CATSPERB: variants seen among roughly 807,000 people sequenced by gnomAD.
CATSPERB encodes the protein cation channel sperm-associated auxiliary subunit beta.
CATSPERB carries 93 observed loss-of-function variants against 128.3 expected under a neutral mutation model. That is an observed-to-expected ratio of 0.72 (90% CI 0.61 to 0.86). CATSPERB has a LOEUF of 0.86. Among genes scored for constraint, CATSPERB ranks in the 40% least tolerant of loss-of-function variants. The pLI, the probability that CATSPERB is intolerant of heterozygous loss-of-function variation, is 0.00. For missense variants in CATSPERB, 1,153 were observed against 1,329.5 expected, an observed-to-expected ratio of 0.87 and a Z score of 2.06; for synonymous variants, 381 against 448.8, an observed-to-expected ratio of 0.85 and a Z score of 1.91.
chr14:91,681,157 G>C (rs76257756), intron 11 of CATSPERB, among the ~76,000 whole-genome samples: 1 of 152,110 alleles, frequency 6.6e-6, no homozygotes, highest in Non-Finnish European at 1.5e-5. Flanking sequence ...CAATTCGTAC[G>C]TTTAGCCAAC....
At chr14:91,675,021 T>C (rs766898925) in intron 11 of CATSPERB, among the ~76,000 whole-genome samples, 24 of 152,246 alleles carry the variant, frequency 1.6e-4, no homozygotes, top group Non-Finnish European at 2.8e-4. Context: ...AAAGTCACTT[T>C]CCTTTCACTG....
chr14:91,650,427 C>T (rs12884181), intron 15 of CATSPERB, among the ~76,000 whole-genome samples: 120,244 of 152,100 alleles, frequency 0.79, 47,688 homozygotes, highest in East Asian at 0.92. Flanking sequence ...AAAATGAATA[C>T]GAATATGAAT....
chr14:91,634,180 C>T (rs1894327339), intron 17 of CATSPERB, among the ~76,000 whole-genome samples: 1 of 151,878 alleles, frequency 6.6e-6, no homozygotes, highest in South Asian at 2.1e-4. Context: ...TGTATTCTTA[C>T]AATAAAGTAA....
chr14:91,626,359 CTTTTTT>C (rs71120179), intron 17 of CATSPERB, among the ~76,000 whole-genome samples: 6 of 76,836 alleles, frequency 7.8e-5, no homozygotes, highest in South Asian at 1.2e-3. Flanking sequence ...AGAGGTGGGA[CTTTTTT>C]TTTTTTTTTT....
At chr14:91,730,798 A>G (rs556453309) in intron 1 of CATSPERB, among the ~76,000 whole-genome samples, 83 of 152,358 alleles carry the variant, frequency 5.4e-4, no homozygotes, top group Non-Finnish European at 9.4e-4. Context: ...TGACTTGCTT[A>G]TTAAATACAT....
At chr14:91,615,388 T>C (rs996645923) in intron 20 of CATSPERB, among the ~76,000 whole-genome samples, 1 of 152,202 alleles carries the variant, frequency 6.6e-6, no homozygotes, top group Non-Finnish European at 1.5e-5. Flanking sequence ...ATGGAAAAAC[T>C]GTCCTCCATG....
At position 91,580,855 on chromosome 14, in the gene CATSPERB, T is replaced by G. The variant is rs1183322336; in HGVS notation, c.*34A>C. The G allele has an allele frequency of 1.9e-6, 3 of 1,549,358 alleles. No individual in the cohort carries two copies. The Admixed American group carries it at 5.2e-5, about 27-fold the overall frequency. On this transcript the variant is annotated 3_prime_UTR_variant, in exon 27 of 27. Transcript: ENST00000256343. ...TGTTCTAGGAATTGGCTGATAAAAC[T>G]AGAAAATAAAGAGAAATTATGATCA...
intron 15 of CATSPERB, among the ~76,000 whole-genome samples, chr14:91,658,851 A>G (rs1177545476): frequency 2.0e-5 from 3 of 150,720 alleles, no homozygotes; most frequent in African/African-American, 7.3e-5. Context: ...ATTAAATTCA[A>G]CAAAACAAGA....
Position 91,693,721 on chromosome 14 carries a change from T to C in CATSPERB, c.617-242A>G, listed in dbSNP as rs530044489. On this transcript the variant is annotated intron_variant, in intron 7 of 26. Coordinates refer to ENST00000256343, the MANE Select transcript of CATSPERB (RefSeq NM_024764.4). ...CTTAAAATCAACCCTCTTAAGGTAT[T>C]GGTTCATTCTCTTAAAATATCTTCC... 5.9e-5 allele frequency among the ~76,000 whole-genome samples: 9 copies of C among 152,362 alleles called. No homozygotes were observed. In the East Asian group the frequency reaches 1.7e-3, roughly 29 times the overall value.
intron 15 of CATSPERB, among the ~76,000 whole-genome samples, chr14:91,646,802 A>G (rs1894615110): frequency 6.6e-6 from 1 of 152,256 alleles, no homozygotes; most frequent in Non-Finnish European, 1.5e-5. Context: ...TAGATGACAT[A>G]GCAAAAGCTT....
intron 10 of CATSPERB, among the ~76,000 whole-genome samples, chr14:91,689,346 A>G (rs1895428157): frequency 6.6e-6 from 1 of 152,164 alleles, no homozygotes; most frequent in African/African-American, 2.4e-5. Context: ...AGGTAACGAC[A>G]TGCCAGATCT....
At chr14:91,631,656 A>G (rs1241222534) in intron 17 of CATSPERB, among the ~76,000 whole-genome samples, 1 of 151,748 alleles carries the variant, frequency 6.6e-6, no homozygotes, top group Non-Finnish European at 1.5e-5. Flanking sequence ...CAAGAACAAA[A>G]CTCCATCTCA....
At chr14:91,666,778 C>T (rs1330054564) in intron 14 of CATSPERB, among the ~76,000 whole-genome samples, 1 of 152,190 alleles carries the variant, frequency 6.6e-6, no homozygotes, top group Non-Finnish European at 1.5e-5. Flanking sequence ...AGGCGCTACT[C>T]CTTGAGGGAC....
intron 19 of CATSPERB, among the ~76,000 whole-genome samples, chr14:91,618,419 T>C (rs143542227): frequency 1.7e-3 from 264 of 152,348 alleles, no homozygotes; most frequent in African/African-American, 6.2e-3. Flanking sequence ...ATGAAGTTGC[T>C]GTGGTTCAAA....
intron 15 of CATSPERB, among the ~76,000 whole-genome samples, chr14:91,655,922 TAAAG>T (rs891979569): frequency 3.3e-5 from 5 of 151,786 alleles, no homozygotes; most frequent in Non-Finnish European, 5.9e-5. Flanking sequence ...AGGTCAAGGA[TAAAG>T]AAAGGATCCT....
chr14:91,690,623 T>G (rs1316579054), intron 10 of CATSPERB, among the ~76,000 whole-genome samples: 1 of 152,268 alleles, frequency 6.6e-6, no homozygotes, highest in Non-Finnish European at 1.5e-5. Context: ...GCAAATCATT[T>G]TTGCCCATCT....
At chr14:91,715,882 A>G (rs1260849239) in intron 5 of CATSPERB, among the ~76,000 whole-genome samples, 1 of 152,216 alleles carries the variant, frequency 6.6e-6, no homozygotes, top group Non-Finnish European at 1.5e-5. Context: ...CTGGGTATCC[A>G]TATTCCAAAA....
rs1893321933 is a variant in CATSPERB at position 91,587,394 on chromosome 14, T to A, written c.3058-118A>T. 4 of 552,188 alleles carry A rather than the reference T, an allele frequency of 7.2e-6. No individual in the cohort carries two copies. The East Asian group carries it at 1.4e-4, about 19-fold the overall frequency. The allele number at this position is 552,188 out of a possible 1,614,324, so 34.2% of individuals were successfully genotyped here. ...TAGATGCTGCATGAAAAGATTCCCA[T>A]CCTCTTCCTAAGGCTCTCGGACATA... is the stretch of plus-strand genomic sequence containing the variant. On this transcript the variant is annotated intron_variant, in intron 25 of 26. Coordinates refer to ENST00000256343, the MANE Select transcript of CATSPERB (RefSeq NM_024764.4).
intron 15 of CATSPERB, among the ~76,000 whole-genome samples, chr14:91,654,381 T>C (rs1894754283): frequency 1.3e-5 from 2 of 152,186 alleles, no homozygotes; most frequent in Non-Finnish European, 2.9e-5. Flanking sequence ...GCCACTGCCC[T>C]GAAAGGAGAA....
Sources: gnomAD v4.1 joint callset for allele counts (sites outside exome capture counted in the v4.1 genomes callset) on GRCh38, gnomAD v4.1.1 for gene constraint, MANE v1.5 for transcripts, NCBI Gene and HGNC (gene_info 2026-07-23, HGNC 2026-07-21) for gene names.